Variants in NINJ2 observed in about 807,000 individuals in gnomAD.
NINJ2 encodes ninjurin 2.
A neutral mutation model predicts 11.7 loss-of-function variants in NINJ2; 12 were observed. The ratio of observed to expected loss-of-function variants is 1.02; its 90% CI spans 0.66 to 1.66. The LOEUF is 1.66. Among genes scored for constraint, NINJ2 ranks in the 40% most tolerant of loss-of-function variants. The pLI is 0.00. For synonymous variants in NINJ2, 93 were observed against 76.8 expected, an observed-to-expected ratio of 1.21 and a Z score of -1.10; for missense variants, 187 against 181.8, an observed-to-expected ratio of 1.03 and a Z score of -0.16.
chr12:645,102 A>C (rs1937654689), intron 1 of NINJ2: 1 of 152,210 alleles, frequency 6.6e-6, no homozygotes, highest in Admixed American at 6.5e-5. Context: ...TTATTCTTTG[A>C]TTCCTGCATC....
intron 1 of NINJ2, among the ~76,000 whole-genome samples, chr12:582,161 C>G (rs1254104052): frequency 6.6e-6 from 1 of 152,278 alleles, no homozygotes; most frequent in Non-Finnish European, 1.5e-5. Flanking sequence ...TCCCGCAGCT[C>G]TTAGGCCAGA....
intron 1 of NINJ2, among the ~76,000 whole-genome samples, chr12:629,900 T>A (rs866478988): frequency 0.15 from 2,445 of 16,198 alleles, 114 homozygotes; most frequent in Non-Finnish European, 0.19. Context: ...AAAAAAAATA[T>A]ATATATATAT....
chr12:615,354 C>A (rs1308884151), intron 1 of NINJ2, among the ~76,000 whole-genome samples: 2 of 152,040 alleles, frequency 1.3e-5, no homozygotes, highest in Non-Finnish European at 2.9e-5. Flanking sequence ...TTTGGGAGGC[C>A]GAGGCAGGTG....
rs1947511175 is a variant in NINJ2 at position 579,147 on chromosome 12, G to C, written c.34-12969C>G. On this transcript the variant is annotated intron_variant, in intron 1 of 3. Transcript: ENST00000305108. ...CAAAAGGTAAGAGTTATTTCCTCGG[G>C]ATTTCAGGCAATTAGAATAAGAAGC... Among the ~76,000 whole-genome samples, 4 of 152,212 alleles carry C rather than the reference G, an allele frequency of 2.6e-5. 1 individual carries two copies. Among genetic ancestry groups the C allele is most frequent in the Admixed American group, 2.6e-4 (4 of 15,274 alleles).
intron 1 of NINJ2, among the ~76,000 whole-genome samples, chr12:588,231 A>G (rs147264352): frequency 0.011 from 1,578 of 145,586 alleles, 38 homozygotes; most frequent in African/African-American, 0.038. Context: ...CGGAAGGGAC[A>G]GAAGGGAGGG....
intron 1 of NINJ2, among the ~76,000 whole-genome samples, chr12:651,552 G>GA (rs2120527822): frequency 6.6e-6 from 1 of 152,190 alleles, no homozygotes; most frequent in African/African-American, 2.4e-5. Flanking sequence ...TACCTATCAA[G>GA]AAAAAATTAC....
rs200585004 is a variant in NINJ2, at chr12:643,311, G to GGCCTCGCA, written c.33+20009_33+20016dup. ...CTGTCTGGAGACTCTGCACCGTCGC[G>GGCCTCGCA]GCCTCGCAGCCTCGCAGCCCCGCGC... On this transcript the variant is annotated intron_variant, in intron 1 of 3. Transcript: ENST00000305108. The GGCCTCGCA allele has an allele frequency of 1.7e-3, 742 of 443,242 alleles. 30 individuals are homozygous for GGCCTCGCA. The East Asian group carries it at 0.094, about 56-fold the overall frequency. The allele number at this position is 443,242 out of a possible 1,614,324, so 27.5% of individuals were successfully genotyped here. A position where few individuals can be genotyped will look rare whatever the true frequency, so the allele number is the denominator to read the frequency against.
intron 1 of NINJ2, among the ~76,000 whole-genome samples, chr12:599,052 A>G (rs188985105): frequency 1.4e-5 from 2 of 146,178 alleles, no homozygotes; most frequent in African/African-American, 5.6e-5. Flanking sequence ...CAGCCGAAAA[A>G]GAGAGAAATA....
chr12:567,359 A>G (rs1947315242), intron 1 of NINJ2, among the ~76,000 whole-genome samples: 1 of 152,056 alleles, frequency 6.6e-6, no homozygotes, highest in Non-Finnish European at 1.5e-5. Flanking sequence ...GTGCCTATAT[A>G]TGCACAGTGA....
At position 585,688 on chromosome 12, in the gene NINJ2, C is replaced by T. The variant is rs1076418; in HGVS notation, c.34-19510G>A. On this transcript the variant is annotated intron_variant, in intron 1 of 3. Transcript: ENST00000305108. This position sits in a 1 kb window ranked among gnomAD's most constrained non-coding sequence, Gnocchi z 4.1. ...CCTGAACTCTGTGCTGAGATGATAG[C>T]TCTGTTTGCTTTCCAGCCAATCAGC... is the stretch of plus-strand genomic sequence containing the variant. Among the ~76,000 whole-genome samples, 41,377 of 152,096 alleles carry T rather than the reference C, an allele frequency of 0.27. 5,996 individuals are homozygous for T. Among genetic ancestry groups the T allele is most frequent in the South Asian group, 0.37 (1,776 of 4,808 alleles).
At position 633,810 on chromosome 12, in the gene NINJ2, G is replaced by A. The variant is rs1233966895; in HGVS notation, c.33+29518C>T. Among the ~76,000 whole-genome samples, 1 of 152,052 alleles carries A rather than the reference G, an allele frequency of 6.6e-6. No homozygotes were observed. Among genetic ancestry groups the A allele is most frequent in the African/African-American group, 2.4e-5 (1 of 41,406 alleles). Reference sequence around the variant, plus strand: ...ATCCTGGGTAACAGAGTGAGATTGTGTAAAAAAAACAAACCACTTTAGAGT... The same window carrying A: ...ATCCTGGGTAACAGAGTGAGATTGTATAAAAAAAACAAACCACTTTAGAGT... On this transcript the variant is annotated intron_variant, in intron 1 of 3. Coordinates refer to ENST00000305108, the MANE Select transcript of NINJ2 (RefSeq NM_016533.6). This position sits in a 1 kb window ranked among gnomAD's most constrained non-coding sequence, Gnocchi z 4.3.
Position 580,268 on chromosome 12 carries a change from CTGAATGAATGAAGGAG to C in NINJ2, c.34-14106_34-14091del, listed in dbSNP as rs1947528058. Reference sequence around the variant, plus strand: ...ACAAGGGGGCGCCTCACCTGGAGTGCTGAATGAATGAAGGAGTGAATGAATGATGCATTTGTCAGCA... The same window carrying C: ...ACAAGGGGGCGCCTCACCTGGAGTGCTGAATGAATGATGCATTTGTCAGCA... On this transcript the variant is annotated intron_variant, in intron 1 of 3. Coordinates refer to ENST00000305108, the MANE Select transcript of NINJ2 (RefSeq NM_016533.6). The surrounding 1 kb of genome is among the most constrained non-coding windows in gnomAD (Gnocchi z 4.7). Among the ~76,000 whole-genome samples, 1 of 152,080 alleles carries C rather than the reference CTGAATGAATGAAGGAG, an allele frequency of 6.6e-6. No individual in the cohort carries two copies. The highest frequency in any genetic ancestry group is 6.6e-5 in the Admixed American group (1 of 15,260).
intron 1 of NINJ2, among the ~76,000 whole-genome samples, chr12:579,496 AAAACAAAACAAAAC>A (rs1171783754): frequency 3.9e-5 from 5 of 129,680 alleles, no homozygotes; most frequent in Non-Finnish European, 6.4e-5. Context: ...AAACAAAACA[AAAACAAAACAAAAC>A]AAACAAAACA....
chr12:620,781 C>T (rs1023540216), intron 1 of NINJ2, among the ~76,000 whole-genome samples: 18 of 152,174 alleles, frequency 1.2e-4, no homozygotes, highest in African/African-American at 4.3e-4. Flanking sequence ...AGGTGTGCGC[C>T]ACAATGCCTG....
At chr12:652,067 T>C (rs947429040) in intron 1 of NINJ2, among the ~76,000 whole-genome samples, 3 of 151,984 alleles carry the variant, frequency 2.0e-5, no homozygotes, top group African/African-American at 7.3e-5. Flanking sequence ...AAATTAATGC[T>C]AGATGCCAAA....
intron 1 of NINJ2, among the ~76,000 whole-genome samples, chr12:655,103 C>T (rs1276747044): frequency 6.6e-6 from 1 of 152,060 alleles, no homozygotes; most frequent in Non-Finnish European, 1.5e-5. Context: ...AAGCCTATAA[C>T]TAACATCATA....
At chr12:626,761 A>C (rs1167384815) in intron 1 of NINJ2, among the ~76,000 whole-genome samples, 1 of 152,170 alleles carries the variant, frequency 6.6e-6, no homozygotes, top group Non-Finnish European at 1.5e-5. Flanking sequence ...TAATAATAGT[A>C]TCTACCAAAT....
intron 1 of NINJ2, among the ~76,000 whole-genome samples, chr12:618,698 T>C (rs775220324): frequency 6.6e-6 from 1 of 152,206 alleles, no homozygotes; most frequent in African/African-American, 2.4e-5. Flanking sequence ...AGGAGCCGAA[T>C]TGCCTCTTAT....
chr12:639,831 C>T (rs772922045), intron 1 of NINJ2, among the ~76,000 whole-genome samples: 30 of 152,142 alleles, frequency 2.0e-4, no homozygotes, highest in Non-Finnish European at 7.3e-5. Flanking sequence ...GTAACAAATC[C>T]CACCTGATTG....
Sources: gnomAD v4.1 joint callset for allele counts (sites outside exome capture counted in the v4.1 genomes callset) on GRCh38, gnomAD v4.1.1 for gene constraint, Gnocchi (gnomAD v3.1) non-coding constraint, MANE v1.5 for transcripts, NCBI Gene and HGNC (gene_info 2026-07-23, HGNC 2026-07-21) for gene names.